The following SEC24B variants were observed in gnomAD, a reference collection of about 807,000 sequenced individuals.
The protein encoded by SEC24B is protein transport protein Sec24B.
SEC24B carries 45 observed loss-of-function variants against 142.8 expected under a neutral mutation model. The ratio of observed to expected loss-of-function variants is 0.32; its 90% confidence interval spans 0.25 to 0.40. The LOEUF (loss-of-function observed/expected upper bound fraction) is 0.40, where lower values mean the gene tolerates loss of function less well. SEC24B is among the 10% of genes least tolerant of loss of function. The pLI is 1.00. For missense variants in SEC24B, 1,409 were observed against 1,526.8 expected, an observed-to-expected ratio of 0.92 and a Z score of 1.29; for synonymous variants, 574 against 568.2, an observed-to-expected ratio of 1.01 and a Z score of -0.15.
At chr4:109,437,306 A>T (rs1728495767) in intron 1 of SEC24B, among the ~76,000 whole-genome samples, 1 of 152,082 alleles carries the variant, frequency 6.6e-6, no homozygotes, top group Non-Finnish European at 1.5e-5. Context: ...TGTTTTAGAG[A>T]CAGGGTGTCA....
At chr4:109,495,602 G>T (rs1430182323) in intron 6 of SEC24B, among the ~76,000 whole-genome samples, 1 of 152,224 alleles carries the variant, frequency 6.6e-6, no homozygotes, top group Non-Finnish European at 1.5e-5. Context: ...AGGGCTCGCA[G>T]ATCGGTTCGA....
In SEC24B at chr4:109,433,972, G is replaced by C; in HGVS notation, c.103G>C (p.Gly35Arg). The C allele has an allele frequency of 8.2e-7, 1 of 1,219,474 alleles. No individual in the cohort carries two copies. Among genetic ancestry groups the C allele is most frequent in the Non-Finnish European group, 1.0e-6 (1 of 981,430 alleles). 75.5% of individuals were successfully genotyped at this position (1,219,474 alleles called of 1,614,324 possible). ...VSGAAAPAGP[G>R]AGPAPHQQNG... ...AGGAGCCGCAGCGCCCGCGGGCCCGGGTGCGGGCCCGGCGCCGCACCAGCA... is the reference window on the plus strand; with the variant it reads ...AGGAGCCGCAGCGCCCGCGGGCCCGCGTGCGGGCCCGGCGCCGCACCAGCA... Residue 35 changes from glycine to arginine, a missense_variant, in exon 1 of 24, where the codon GGT (glycine) becomes CGT (arginine). Transcript: ENST00000265175.
chr4:109,471,052 G>A (rs567062920), intron 2 of SEC24B, among the ~76,000 whole-genome samples: 1 of 150,988 alleles, frequency 6.6e-6, no homozygotes, highest in South Asian at 2.1e-4. Context: ...TGAGTTCATG[G>A]GTATTTATTT....
intron 1 of SEC24B, among the ~76,000 whole-genome samples, chr4:109,462,514 T>G (rs1303022499): frequency 6.6e-6 from 1 of 152,202 alleles, no homozygotes; most frequent in Non-Finnish European, 1.5e-5. Flanking sequence ...GTTAAGTTCC[T>G]CCTTGCATGG....
At chr4:109,490,368 C>T (rs1396171345) in intron 4 of SEC24B, among the ~76,000 whole-genome samples, 1 of 152,012 alleles carries the variant, frequency 6.6e-6, no homozygotes, top group African/African-American at 2.4e-5. Context: ...CATACCTGTT[C>T]CTTCCCTATT....
chr4:109,479,369 A>G (rs1733498228), intron 3 of SEC24B, among the ~76,000 whole-genome samples: 1 of 152,082 alleles, frequency 6.6e-6, no homozygotes, highest in African/African-American at 2.4e-5. Context: ...TTTCAGGCTG[A>G]GCTCTGGGAA....
intron 10 of SEC24B, among the ~76,000 whole-genome samples, chr4:109,516,178 T>G (rs1722841972): frequency 6.6e-6 from 1 of 152,226 alleles, no homozygotes. Context: ...GGTTTAAAAT[T>G]TGTTTTTAGG....
chr4:109,498,082 C>T (rs1735715224), intron 6 of SEC24B, among the ~76,000 whole-genome samples: 1 of 152,130 alleles, frequency 6.6e-6, no homozygotes, highest in Non-Finnish European at 1.5e-5. Context: ...CCTTGCAGTA[C>T]AGAATTAAGC....
intron 21 of SEC24B, 126 bp downstream of exon 21, chr4:109,532,869 T>C: frequency 1.7e-6 from 1 of 578,140 alleles, no homozygotes; most frequent in South Asian, 2.5e-5. Context: ...GGAGCTGAAA[T>C]TGGTAACTAG....
chr4:109,445,246 T>G (rs1729331290), intron 1 of SEC24B, among the ~76,000 whole-genome samples: 2 of 143,492 alleles, frequency 1.4e-5, no homozygotes, highest in Admixed American at 6.9e-5. Flanking sequence ...TTCTTTGTTT[T>G]TTTTTTTTTT....
intron 8 of SEC24B, among the ~76,000 whole-genome samples, chr4:109,511,719 T>A (rs1737356372): frequency 6.6e-6 from 1 of 152,238 alleles, no homozygotes; most frequent in Non-Finnish European, 1.5e-5. Context: ...CTTACATTAT[T>A]TTCTTGGCCA....
In SEC24B at chr4:109,540,854, C is replaced by T. The variant is rs1436925056; in HGVS notation, c.*1179C>T. The T allele has an allele frequency of 6.6e-6, 1 of 151,280 alleles. No homozygotes were observed. Among genetic ancestry groups the T allele is most frequent in the African/African-American group, 2.4e-5 (1 of 41,070 alleles). The allele number at this position is 151,280 out of a possible 1,614,324, so 9.4% of individuals were successfully genotyped here. ...CTAAGATCACGCCACTGCACTCCAG[C>T]CTGGGCAACAGAGTGAGACTCCATC... On this transcript the variant is annotated 3_prime_UTR_variant, in exon 24 of 24. Coordinates refer to ENST00000265175, the MANE Select transcript of SEC24B (RefSeq NM_006323.5).
At chr4:109,524,686 C>A in intron 14 of SEC24B, 132 bp from the exon 15 acceptor site, 1 of 656,796 alleles carries the variant, frequency 1.5e-6, no homozygotes, top group Non-Finnish European at 2.5e-6. Context: ...AGGGAATCTG[C>A]ACCAAATGCC....
chr4:109,522,092 C>T (rs1174257252), intron 14 of SEC24B, among the ~76,000 whole-genome samples: 2 of 150,184 alleles, frequency 1.3e-5, no homozygotes, highest in Non-Finnish European at 3.0e-5. Flanking sequence ...TGCTCTGTCG[C>T]CCAGGCTGGA....
chr4:109,486,120 C>CTAATA (rs1561122367), intron 4 of SEC24B, among the ~76,000 whole-genome samples: 1 of 152,170 alleles, frequency 6.6e-6, no homozygotes, highest in African/African-American at 2.4e-5. Flanking sequence ...GAGTCTCTTG[C>CTAATA]TAATATCTGT....
intron 1 of SEC24B, 88 bp downstream of exon 1, chr4:109,434,090 G>A: frequency 1.1e-6 from 1 of 905,824 alleles, no homozygotes. Flanking sequence ...GGCCGGGCCG[G>A]GAAGGGCGTT....
chr4:109,475,044 T>C (rs1732961225), intron 3 of SEC24B, among the ~76,000 whole-genome samples: 1 of 152,188 alleles, frequency 6.6e-6, no homozygotes, highest in South Asian at 2.1e-4. Flanking sequence ...AAGCAAAAGA[T>C]TTTTTAACTC....
At chr4:109,482,979 T>TATATATATATATATACACAC (rs781527364) in intron 4 of SEC24B, among the ~76,000 whole-genome samples, 7 of 26,388 alleles carry the variant, frequency 2.7e-4, no homozygotes, top group Non-Finnish European at 4.5e-4. Flanking sequence ...TATATATATA[T>TATATATATATATATACACAC]ACACACACAC....
chr4:109,485,746 A>G (rs923006354), intron 4 of SEC24B, among the ~76,000 whole-genome samples: 22 of 152,346 alleles, frequency 1.4e-4, no homozygotes, highest in Middle Eastern at 6.8e-3. Context: ...AAAGTGGCTG[A>G]AATTGGTGTG....
Sources: allele counts gnomAD v4.1 joint callset (sites outside exome capture counted in the v4.1 genomes callset), GRCh38; gene constraint gnomAD v4.1.1; transcripts MANE v1.5; gene names NCBI Gene and HGNC (gene_info 2026-07-23, HGNC 2026-07-21).